PDE4D: variants seen among roughly 807,000 people sequenced by gnomAD.
The protein encoded by PDE4D is phosphodiesterase 4D.
A neutral mutation model predicts 87.4 loss-of-function variants in PDE4D; 24 were observed. That is an observed-to-expected ratio of 0.27 (90% CI 0.20 to 0.39). PDE4D has a LOEUF of 0.39. Ranked by LOEUF, PDE4D falls within the 10% of genes least tolerant of loss-of-function variation. The probability of loss-of-function intolerance (pLI) is 1.00; values close to 1 mark genes in which losing one functional copy is unlikely to be tolerated. For missense variants in PDE4D, 714 were observed against 1,041.0 expected (o/e 0.69, Z 4.32); for synonymous variants, 384 against 383.2 (o/e 1.00, Z -0.02).
intron 1 of PDE4D, among the ~76,000 whole-genome samples, chr5:59,363,738 C>T (rs929607449): frequency 1.3e-5 from 2 of 152,164 alleles, no homozygotes; most frequent in Non-Finnish European, 2.9e-5. Context: ...TTGCTTATCT[C>T]TAAATCTTGT....
chr5:58,997,337 TCAA>T (rs1395229122), intron 6 of PDE4D, among the ~76,000 whole-genome samples: 1 of 152,058 alleles, frequency 6.6e-6, no homozygotes, highest in Non-Finnish European at 1.5e-5. Context: ...ACTAGATCAT[TCAA>T]CAAACATTTA....
chr5:59,780,642 G>A (rs578005667), intron 1 of PDE4D, among the ~76,000 whole-genome samples: 1 of 152,236 alleles, frequency 6.6e-6, no homozygotes, highest in South Asian at 2.1e-4. Context: ...GCCTGGTCAG[G>A]ACTCTATTGC....
At chr5:59,487,031 G>A (rs1805271290) in intron 1 of PDE4D, among the ~76,000 whole-genome samples, 2 of 152,146 alleles carry the variant, frequency 1.3e-5, no homozygotes, top group African/African-American at 4.8e-5. Context: ...GGAATGCATA[G>A]AAGTAGAAGA....
intron 1 of PDE4D, among the ~76,000 whole-genome samples, chr5:59,579,702 T>C (rs993989679): frequency 3.3e-5 from 5 of 152,334 alleles, no homozygotes; most frequent in South Asian, 2.1e-4. Context: ...AATTCATCTA[T>C]GCTCCACACA....
chr5:59,295,038 T>C (rs998140172), intron 1 of PDE4D, among the ~76,000 whole-genome samples: 2 of 152,106 alleles, frequency 1.3e-5, no homozygotes, highest in African/African-American at 2.4e-5. Context: ...GATAGGCATT[T>C]CAAAAATAAA....
At chr5:59,362,819 G>A (rs969998897) in intron 1 of PDE4D, among the ~76,000 whole-genome samples, 2 of 152,058 alleles carry the variant, frequency 1.3e-5, no homozygotes, top group Non-Finnish European at 2.9e-5. Flanking sequence ...CACTCCCTTG[G>A]GAGAAAGAAA....
intron 1 of PDE4D, among the ~76,000 whole-genome samples, chr5:59,390,732 T>C (rs1788067363): frequency 6.6e-6 from 1 of 151,998 alleles, no homozygotes; most frequent in Non-Finnish European, 1.5e-5. Context: ...GAGAAGGAGG[T>C]AAGGGGAAGA....
chr5:60,308,775 A>T (rs548860551), intron 1 of PDE4D, among the ~76,000 whole-genome samples: 99 of 152,322 alleles, frequency 6.5e-4, no homozygotes, highest in African/African-American at 2.4e-3. Flanking sequence ...GATAATTCAG[A>T]TGGCAAAACA....
At position 59,585,414 on chromosome 5, in the gene PDE4D, T is replaced by A. The variant is rs183754845; in HGVS notation, c.455+307754A>T. ...ATTCATCCAGAGTCCAGCCAGAACA[T>A]TTACCTGAAAGATATACTTTCAAAA... On this transcript the variant is annotated intron_variant, in intron 1 of 14. Transcript: ENST00000340635. Among the ~76,000 whole-genome samples, 177 of 152,278 alleles carry A rather than the reference T, an allele frequency of 1.2e-3. 1 individual carries two copies. The highest frequency in any genetic ancestry group is 2.0e-3 in the Non-Finnish European group (136 of 68,030).
chr5:60,425,887 AC>A (rs1427161988), intron 1 of PDE4D, among the ~76,000 whole-genome samples: 2 of 152,240 alleles, frequency 1.3e-5, no homozygotes, highest in Non-Finnish European at 2.9e-5. Context: ...ATGAACAGAC[AC>A]TTCTCAAAAG....
chr5:60,035,224 C>G (rs1470641344), intron 2 of PDE4D, among the ~76,000 whole-genome samples: 1 of 150,122 alleles, frequency 6.7e-6, no homozygotes, highest in Non-Finnish European at 1.5e-5. Flanking sequence ...CCACTGCACA[C>G]CAGCCTGGGC....
chr5:60,379,877 A>T (rs1465374473), intron 1 of PDE4D, among the ~76,000 whole-genome samples: 1 of 152,168 alleles, frequency 6.6e-6, no homozygotes. Flanking sequence ...TCTTTGAAAC[A>T]CTGGGACAAT....
intron 2 of PDE4D, among the ~76,000 whole-genome samples, chr5:60,049,933 G>A (rs1004864843): frequency 2.0e-5 from 3 of 152,248 alleles, no homozygotes; most frequent in African/African-American, 7.2e-5. Context: ...ACGTAAGCAA[G>A]CCTGGGCAAT....
At chr5:58,977,903 G>A (rs987265907) in intron 11 of PDE4D, among the ~76,000 whole-genome samples, 7 of 152,000 alleles carry the variant, frequency 4.6e-5, no homozygotes, top group Admixed American at 1.3e-4. Context: ...TCCAAGTATC[G>A]TGGCAGTCAT....
In PDE4D at chr5:59,084,883, G is replaced by A. The variant is rs201033881; in HGVS notation, c.809-45912C>T. 1.1e-4 allele frequency among the ~76,000 whole-genome samples: 17 copies of A among 152,130 alleles called. No individual in the cohort carries two copies. In the East Asian group the frequency reaches 2.7e-3, roughly 24 times the overall value. ...AATTCTTATTAAAACAAAATACTATGTGATTCATCAAATAAAGAGAACAAT... is the reference window on the plus strand; with the variant it reads ...AATTCTTATTAAAACAAAATACTATATGATTCATCAAATAAAGAGAACAAT... On this transcript the variant is annotated intron_variant, in intron 5 of 14. Transcript: ENST00000340635.
intron 1 of PDE4D, among the ~76,000 whole-genome samples, chr5:60,434,868 C>T (rs1264376890): frequency 6.6e-6 from 1 of 151,924 alleles, no homozygotes; most frequent in Non-Finnish European, 1.5e-5. Flanking sequence ...GAGTATTGAA[C>T]CCTGCAAAGA....
chr5:60,508,248 C>T (rs115422709), intron 1 of PDE4D, among the ~76,000 whole-genome samples: 1,571 of 152,270 alleles, frequency 0.01, 22 homozygotes, highest in African/African-American at 0.036. Context: ...TGACTCTAGT[C>T]GATACCTGTT....
intron 1 of PDE4D, among the ~76,000 whole-genome samples, chr5:59,360,876 T>C (rs1418717193): frequency 6.6e-6 from 1 of 152,120 alleles, no homozygotes; most frequent in African/African-American, 2.4e-5. Flanking sequence ...TACAATTGCA[T>C]CCATTACTCA....
intron 1 of PDE4D, among the ~76,000 whole-genome samples, chr5:59,294,792 G>T (rs1768736762): frequency 6.6e-6 from 1 of 152,154 alleles, no homozygotes; most frequent in Non-Finnish European, 1.5e-5. Context: ...CTATGATTCT[G>T]CTTTAGGAAT....
Sources: gnomAD v4.1 joint callset for allele counts (sites outside exome capture counted in the v4.1 genomes callset) on GRCh38, gnomAD v4.1.1 for gene constraint, MANE v1.5 for transcripts, NCBI Gene and HGNC (gene_info 2026-07-23, HGNC 2026-07-21) for gene names.